The following RFX7 variants were observed in gnomAD, a reference collection of about 807,000 sequenced individuals.
RFX7 encodes regulatory factor X7, also known as DNA-binding protein RFX7.
RFX7 carries 26 observed loss-of-function variants against 111.8 expected under a neutral mutation model. The observed-to-expected ratio is 0.23, with a 90% CI of 0.17 to 0.32. The LOEUF (loss-of-function observed/expected upper bound fraction) is 0.32, where lower values mean the gene tolerates loss of function less well. Ranked by LOEUF, RFX7 falls within the 10% of genes least tolerant of loss-of-function variation. The pLI, the probability that RFX7 is intolerant of heterozygous loss-of-function variation, is 1.00. For missense variants in RFX7, 1,573 were observed against 1,772.9 expected, an observed-to-expected ratio of 0.89 and a Z score of 2.02; for synonymous variants, 624 against 624.4, an observed-to-expected ratio of 1.00 and a Z score of 0.01.
At chr15:56,107,038 C>T (rs2041838340) in intron 5 of RFX7, among the ~76,000 whole-genome samples, 1 of 151,982 alleles carries the variant, frequency 6.6e-6, no homozygotes, top group Non-Finnish European at 1.5e-5. Context: ...AATTTCACAC[C>T]CGTAATCCCA....
At chr15:56,232,835 G>T (rs2043580642) in intron 2 of RFX7, among the ~76,000 whole-genome samples, 1 of 152,164 alleles carries the variant, frequency 6.6e-6, no homozygotes, top group South Asian at 2.1e-4. Flanking sequence ...GTTCCCAACA[G>T]GTTAATCTCC....
At position 56,093,730 on chromosome 15, in the gene RFX7, T is replaced by C; in HGVS notation, c.3998A>G (p.Asn1333Ser). The change falls in exon 10 of 10, where the codon AAT (asparagine) becomes AGT (serine). Residue 1333 changes from asparagine (N) to serine (S), a missense_variant. Asn to Ser is a conservative substitution (Grantham distance 46). This residue lies in a region of RFX7 where 411 missense variants were observed against 478.1 expected (regional missense o/e 0.86). Transcript: ENST00000559447. ...CTCTCCAATTTCTGATTGTGCTTGA[T>C]TATCTCCAGGAGAAAAATTGATCTG... ...TGQINFSPGDNQAQSEIGEQQ... is the reference protein window; with the variant it reads ...TGQINFSPGDSQAQSEIGEQQ... 6.2e-7 allele frequency: 1 copy of C among 1,613,838 alleles called. No homozygotes were observed. The highest frequency in any genetic ancestry group is 8.5e-7 in the Non-Finnish European group (1 of 1,179,752).
intron 2 of RFX7, among the ~76,000 whole-genome samples, chr15:56,219,810 G>A (rs1257637884): frequency 2.6e-5 from 4 of 152,180 alleles, no homozygotes; most frequent in South Asian, 4.1e-4. Context: ...ATTGTGAATA[G>A]TGCTGCAGTG....
At chr15:56,230,919 C>A (rs911694594) in intron 2 of RFX7, among the ~76,000 whole-genome samples, 1 of 152,116 alleles carries the variant, frequency 6.6e-6, no homozygotes, top group African/African-American at 2.4e-5. Flanking sequence ...ACAGTGTAAC[C>A]CCAACTCTAC....
At chr15:56,205,160 C>T (rs888738388) in intron 2 of RFX7, among the ~76,000 whole-genome samples, 3 of 152,190 alleles carry the variant, frequency 2.0e-5, no homozygotes, top group African/African-American at 7.2e-5. Context: ...GCTCTTTCTA[C>T]ATCACCAAAG....
At chr15:56,112,245 C>G (rs1293028273) in intron 5 of RFX7, among the ~76,000 whole-genome samples, 3 of 151,672 alleles carry the variant, frequency 2.0e-5, no homozygotes, top group African/African-American at 7.3e-5. Flanking sequence ...GTAACTGTAA[C>G]ATAGACTGGC....
chr15:56,100,916 G>A (rs1047126723), intron 8 of RFX7, among the ~76,000 whole-genome samples: 4 of 152,108 alleles, frequency 2.6e-5, no homozygotes, highest in African/African-American at 9.7e-5. Context: ...ACCTGTCACA[G>A]TGTGCAAAGA....
intron 8 of RFX7, among the ~76,000 whole-genome samples, chr15:56,100,276 G>A (rs1346875104): frequency 3.3e-5 from 5 of 152,158 alleles, no homozygotes; most frequent in African/African-American, 7.2e-5. Flanking sequence ...TATTTAGCTC[G>A]ATAAGGCTGG....
At chr15:56,228,435 A>G (rs1400869206) in intron 2 of RFX7, among the ~76,000 whole-genome samples, 2 of 152,138 alleles carry the variant, frequency 1.3e-5, no homozygotes, top group Non-Finnish European at 2.9e-5. Context: ...CATTCAACTG[A>G]AGCAGCAAAC....
intron 3 of RFX7, among the ~76,000 whole-genome samples, chr15:56,176,998 G>A (rs1036265313): frequency 1.1e-4 from 17 of 150,568 alleles, no homozygotes; most frequent in African/African-American, 4.1e-4. Context: ...CAGCTTTCAT[G>A]CACTTAGGAT....
intron 2 of RFX7, among the ~76,000 whole-genome samples, chr15:56,229,459 G>A (rs1481554285): frequency 1.3e-5 from 2 of 152,120 alleles, no homozygotes; most frequent in Admixed American, 6.5e-5. Context: ...TAGAGACGGG[G>A]TTTCACCGTG....
At position 56,095,010 on chromosome 15, in the gene RFX7, G is replaced by A. The variant is rs750801787; in HGVS notation, c.2718C>T (p.Tyr906=). 131 of 1,613,702 alleles carry A rather than the reference G, an allele frequency of 8.1e-5. 1 individual carries two copies. The highest frequency in any genetic ancestry group is 6.3e-4 in the South Asian group (57 of 91,014). Residue 906 remains tyrosine (Y), a synonymous_variant, in exon 10 of 10, where the codon TAC becomes TAT. Coordinates refer to ENST00000559447, the MANE Select transcript of RFX7 (RefSeq NM_022841.7). ...QQMSMNNSHS[Y]GNCLGMTLQS... ...GAAGGGTCATTCCCAAACAGTTGCC[G>A]TAAGAATGAGAATTGTTCATTGACA...
In RFX7 at chr15:56,165,965, G is replaced by A. The variant is rs560180214; in HGVS notation, c.195+13305C>T. ...CACCCAGGCTGGAGTGCAGTGGCAC[G>A]TTCATGGCTCACTGCAGCCTTTGAC... On this transcript the variant is annotated intron_variant, in intron 3 of 9. Coordinates refer to ENST00000559447, the MANE Select transcript of RFX7 (RefSeq NM_022841.7). 5.3e-5 allele frequency among the ~76,000 whole-genome samples: 8 copies of A among 152,244 alleles called. No homozygotes were observed. In the East Asian group the frequency reaches 1.5e-3, roughly 29 times the overall value.
chr15:56,128,557 T>G (rs2042174230), intron 5 of RFX7, among the ~76,000 whole-genome samples: 1 of 152,164 alleles, frequency 6.6e-6, no homozygotes, highest in South Asian at 2.1e-4. Context: ...GGAAATTCCT[T>G]GACCTAACAA....
At chr15:56,241,638 A>G (rs1422024994) in intron 2 of RFX7, among the ~76,000 whole-genome samples, 2 of 152,136 alleles carry the variant, frequency 1.3e-5, no homozygotes, top group Non-Finnish European at 2.9e-5. Flanking sequence ...ATGGCAAGCA[A>G]GATATTCACC....
At chr15:56,137,870 G>T (rs1423908397) in intron 5 of RFX7, among the ~76,000 whole-genome samples, 1 of 151,810 alleles carries the variant, frequency 6.6e-6, no homozygotes, top group African/African-American at 2.4e-5. Context: ...ATTTCATTAT[G>T]TACCCAGTAG....
At chr15:56,175,601 T>C (rs1034359055) in intron 3 of RFX7, among the ~76,000 whole-genome samples, 2 of 152,118 alleles carry the variant, frequency 1.3e-5, no homozygotes, top group African/African-American at 4.8e-5. Context: ...TGATTTTTGA[T>C]ATAGGAAGTG....
At chr15:56,139,377 C>T (rs532238136) in intron 5 of RFX7, among the ~76,000 whole-genome samples, 2 of 152,306 alleles carry the variant, frequency 1.3e-5, no homozygotes, top group African/African-American at 2.4e-5. Flanking sequence ...CATCATCCAT[C>T]GCTGATACTC....
At chr15:56,136,378 A>T (rs1300873113) in intron 5 of RFX7, among the ~76,000 whole-genome samples, 1 of 145,552 alleles carries the variant, frequency 6.9e-6, no homozygotes, top group Non-Finnish European at 1.5e-5. Context: ...CTTTGAAGCA[A>T]TTGTGAATGG....
Sources: allele counts gnomAD v4.1 joint callset (sites outside exome capture counted in the v4.1 genomes callset), GRCh38; gene constraint gnomAD v4.1.1; regional missense constraint gnomAD v4.1.1; transcripts MANE v1.5; gene names NCBI Gene and HGNC (gene_info 2026-07-23, HGNC 2026-07-21).